Variants in ACSBG2 observed in about 807,000 individuals in gnomAD.
The protein encoded by ACSBG2 is acyl-CoA synthetase bubblegum family member 2, also known as long-chain-fatty-acid--CoA ligase ACSBG2.
ACSBG2 carries 62 observed loss-of-function variants against 74.7 expected under a neutral mutation model. The observed-to-expected ratio is 0.83, with a 90% confidence interval of 0.68 to 1.03. The LOEUF is 1.03. Among genes scored for constraint, ACSBG2 ranks in the 50% least tolerant of loss-of-function variants. The probability of loss-of-function intolerance (pLI) is 0.00; values close to 1 mark genes in which losing one functional copy is unlikely to be tolerated. For missense variants in ACSBG2, 730 were observed against 817.6 expected (o/e 0.89, Z 1.31); for synonymous variants, 309 against 294.1 (o/e 1.05, Z -0.52).
intron 7 of ACSBG2, among the ~76,000 whole-genome samples, chr19:6,168,954 T>C (rs1367099901): frequency 6.6e-6 from 1 of 152,078 alleles, no homozygotes; most frequent in Non-Finnish European, 1.5e-5. Context: ...AATTTTTGTA[T>C]TTTTAGAAGA....
intron 7 of ACSBG2, among the ~76,000 whole-genome samples, chr19:6,176,980 A>AC (rs1471253006): frequency 6.6e-6 from 1 of 150,952 alleles, no homozygotes. Flanking sequence ...ACATAGTGAG[A>AC]CCCCCTCTCT....
intron 4 of ACSBG2, among the ~76,000 whole-genome samples, chr19:6,153,237 C>T (rs1252211006): frequency 2.0e-5 from 3 of 152,074 alleles, no homozygotes; most frequent in African/African-American, 7.2e-5. Flanking sequence ...CAGAGCGAGA[C>T]TCCATCTCAA....
chr19:6,158,997 G>A (rs1326551431), intron 5 of ACSBG2, among the ~76,000 whole-genome samples: 4 of 149,704 alleles, frequency 2.7e-5, no homozygotes, highest in East Asian at 2.0e-4. Context: ...TCACTTTGTC[G>A]TCCAGTCTGG....
intron 8 of ACSBG2, among the ~76,000 whole-genome samples, chr19:6,181,073 A>T (rs1435561846): frequency 6.6e-6 from 1 of 150,956 alleles, no homozygotes; most frequent in African/African-American, 2.4e-5. Context: ...GAAAAAGAAA[A>T]ATTAGCCAGG....
At position 6,171,403 on chromosome 19, in the gene ACSBG2, C is replaced by T. The variant is rs532457126; in HGVS notation, c.738+5388C>T. On this transcript the variant is annotated intron_variant, in intron 7 of 14. Transcript: ENST00000588485. Reference sequence around the variant, plus strand: ...ACTCCTTTGGGCATTTCTTTTCGGGCTGATCTAGTGATGACAAATTCCTTT... The same window carrying T: ...ACTCCTTTGGGCATTTCTTTTCGGGTTGATCTAGTGATGACAAATTCCTTT... Among the ~76,000 whole-genome samples, 7 of 152,092 alleles carry T rather than the reference C, an allele frequency of 4.6e-5. No individual in the cohort carries two copies. In the East Asian group the frequency reaches 1.2e-3, roughly 25 times the overall value.
intron 2 of ACSBG2, among the ~76,000 whole-genome samples, chr19:6,143,126 C>T (rs75438961): frequency 0.022 from 3,402 of 152,196 alleles, 133 homozygotes; most frequent in African/African-American, 0.078. Context: ...CTTATTGCAA[C>T]CTCTGCCTCC....
At position 6,187,811 on chromosome 19, in the gene ACSBG2, G is replaced by A; in HGVS notation, c.1893G>A (p.Leu631=). 1 of 1,614,198 alleles carries A rather than the reference G, an allele frequency of 6.2e-7. No homozygotes were observed. Among genetic ancestry groups the A allele is most frequent in the East Asian group, 2.2e-5 (1 of 44,880 alleles). The change falls in exon 13 of 15, where the codon TTG becomes TTA. Residue 631 remains leucine (L), a synonymous_variant. Transcript: ENST00000588485. Reference sequence around the variant, plus strand: ...AGAGGATTGAAAAGTGGGTCATCTTGGAGAAGGACTTTTCCATCTATGGTG... The same window carrying A: ...AGAGGATTGAAAAGTGGGTCATCTTAGAGAAGGACTTTTCCATCTATGGTG... The part of the protein sequence containing the change: ...NAQRIEKWVI[L]EKDFSIYGGE...
chr19:6,157,492 G>A (rs546347414), intron 5 of ACSBG2, among the ~76,000 whole-genome samples: 1 of 152,308 alleles, frequency 6.6e-6, no homozygotes, highest in African/African-American at 2.4e-5. Flanking sequence ...GAACCTGGGA[G>A]GTGGAGGTTG....
At chr19:6,151,445 C>T (rs887118160) in intron 3 of ACSBG2, among the ~76,000 whole-genome samples, 12 of 152,134 alleles carry the variant, frequency 7.9e-5, no homozygotes, top group South Asian at 4.2e-4. Flanking sequence ...GTAGCCGGGA[C>T]GACAAGTGTG....
At chr19:6,136,867 T>C (rs2088590848) in intron 1 of ACSBG2, among the ~76,000 whole-genome samples, 1 of 152,024 alleles carries the variant, frequency 6.6e-6, no homozygotes, top group Admixed American at 6.6e-5. Context: ...AGTGCTGGGA[T>C]CACAGGTGTG....
At position 6,147,599 on chromosome 19, in the gene ACSBG2, A is replaced by G. The variant is rs746101885; in HGVS notation, c.221A>G (p.Asn74Ser). 1 of 1,614,188 alleles carries G rather than the reference A, an allele frequency of 6.2e-7. No homozygotes were observed. The highest frequency in any genetic ancestry group is 8.5e-7 in the Non-Finnish European group (1 of 1,180,028). ...ACTTATCCAGCCCTCGCATCCAAGA[A>G]TGGCAAAAAGTGGGAAATTCTGAAT... ...FGTYPALASK[N>S]GKKWEILNFN... Residue 74 changes from asparagine to serine, a missense_variant, in exon 3 of 15, where the codon AAT (asparagine) becomes AGT (serine). Transcript: ENST00000588485.
chr19:6,152,968 G>T (rs2089288805), intron 4 of ACSBG2, among the ~76,000 whole-genome samples: 1 of 152,196 alleles, frequency 6.6e-6, no homozygotes, highest in Non-Finnish European at 1.5e-5. Context: ...ATCAGGCCGG[G>T]TGTGGTGGCT....
At chr19:6,141,746 T>C (rs1373558407) in intron 2 of ACSBG2, 136 bp downstream of exon 2, 13 of 624,868 alleles carry the variant, frequency 2.1e-5, no homozygotes, top group Admixed American at 1.0e-4. Context: ...CCCACCCTTT[T>C]GTTTTGAGAC....
rs146288460 is a variant in ACSBG2, at chr19:6,147,629, A to G, written c.251A>G (p.Asn84Ser). The part of the protein sequence containing the change: ...NGKKWEILNF[N>S]QYYEACRKAA... ...AAAAAGTGGGAAATTCTGAATTTCA[A>G]CCAGTACTATGAGGCTTGTCGGAAG... Residue 84 changes from asparagine to serine, a missense_variant, in exon 3 of 15, where the codon AAC becomes AGC. Physicochemically the swap from Asn to Ser is conservative, Grantham distance 46. Transcript: ENST00000588485. 1.5e-4 allele frequency: 238 copies of G among 1,614,248 alleles called. 2 individuals carry two copies. The East Asian group carries it at 5.0e-3, about 34-fold the overall frequency.
At chr19:6,181,378 G>GA (rs1019799569) in intron 8 of ACSBG2, among the ~76,000 whole-genome samples, 9 of 150,358 alleles carry the variant, frequency 6.0e-5, no homozygotes, top group African/African-American at 2.2e-4. Flanking sequence ...AAGGAGAAAG[G>GA]AAAAAAATTA....
rs1242304303 is a variant in ACSBG2, at chr19:6,190,814, C to CAT, written c.*35+123_*35+124insTA. On this transcript the variant is annotated intron_variant, in intron 14 of 14. Transcript: ENST00000588485. ...AAACACACACATACACACATACATA[C>CAT]ACACACACACACACACACACACACA... The CAT allele has an allele frequency of 6.9e-5, 22 of 317,542 alleles. No individual in the cohort carries two copies. In the African/African-American group the frequency reaches 1.3e-3, roughly 19 times the overall value. The allele number at this position is 317,542 out of a possible 1,614,324, so 19.7% of individuals were successfully genotyped here.
At chr19:6,137,874 G>A (rs1016945068) in intron 1 of ACSBG2, among the ~76,000 whole-genome samples, 1 of 152,044 alleles carries the variant, frequency 6.6e-6, no homozygotes, top group Non-Finnish European at 1.5e-5. Context: ...GGCTGGTCTC[G>A]AACTCCTGAC....
chr19:6,166,023 A>G lies in ACSBG2; in HGVS notation c.738+8A>G. ...ATGCTCAGTCATGACAACGTACGCC[A>G]AAGTCCCTTTGCTCTGGAGTGGTGG... On this transcript the variant is annotated splice_region_variant and intron_variant, in intron 7 of 14. Coordinates refer to ENST00000588485, the MANE Select transcript of ACSBG2 (RefSeq NM_030924.5). The G allele has an allele frequency of 8.1e-6, 13 of 1,613,704 alleles. No individual in the cohort carries two copies. Among genetic ancestry groups the G allele is most frequent in the Non-Finnish European group, 1.1e-5 (13 of 1,179,800 alleles).
intron 13 of ACSBG2, 51 bp downstream of exon 13, chr19:6,187,896 G>A: frequency 6.3e-7 from 1 of 1,594,466 alleles, no homozygotes; most frequent in South Asian, 1.2e-5. Context: ...ATCTGGGACT[G>A]TGTGGGCTCT....
Sources: gnomAD v4.1 joint callset for allele counts (sites outside exome capture counted in the v4.1 genomes callset) on GRCh38, gnomAD v4.1.1 for gene constraint, MANE v1.5 for transcripts, NCBI Gene and HGNC (gene_info 2026-07-23, HGNC 2026-07-21) for gene names.